Variants in ANKDD1B observed in about 807,000 individuals in gnomAD.
ANKDD1B encodes ankyrin repeat and death domain containing 1B.
In ANKDD1B, 57 loss-of-function variants were observed where a neutral mutation model predicts 59.7. That is an observed-to-expected ratio of 0.95 (90% CI 0.77 to 1.19). The LOEUF is 1.19. Among genes scored for constraint, ANKDD1B ranks in the 50% most tolerant of loss-of-function variants. The pLI, the probability that ANKDD1B is intolerant of heterozygous loss-of-function variation, is 0.00. For missense variants in ANKDD1B, 602 were observed against 641.9 expected (o/e 0.94, Z 0.67); for synonymous variants, 216 against 239.5 (o/e 0.90, Z 0.91).
intron 11 of ANKDD1B, 41 bp from the exon 12 acceptor site, chr5:75,666,751 A>G (rs1775316315): frequency 7.2e-7 from 1 of 1,383,338 alleles, no homozygotes; most frequent in East Asian, 2.5e-5. Context: ...TAATAAGTAG[A>G]ACATGTCTGA....
At chr5:75,625,205 A>G (rs1773957513) in intron 3 of ANKDD1B, among the ~76,000 whole-genome samples, 1 of 151,858 alleles carries the variant, frequency 6.6e-6, no homozygotes, top group Admixed American at 6.6e-5. Context: ...CATTTTTCTG[A>G]GTTTGTCTTT....
chr5:75,638,992 A>G (rs1326734969), intron 7 of ANKDD1B, among the ~76,000 whole-genome samples: 1 of 152,184 alleles, frequency 6.6e-6, no homozygotes, highest in Non-Finnish European at 1.5e-5. Context: ...ATTCCTCACA[A>G]TTGCCTTTGG....
intron 4 of ANKDD1B, 44 bp downstream of exon 4, chr5:75,625,789 A>G (rs1384964335): frequency 6.5e-7 from 1 of 1,527,976 alleles, no homozygotes; most frequent in Admixed American, 2.0e-5. Flanking sequence ...TTACCTCACC[A>G]TTGCAGGAGA....
At chr5:75,637,240 CAAAAAAAAAAAAAAAAAAA>C (rs55640131) in intron 7 of ANKDD1B, among the ~76,000 whole-genome samples, 11 of 69,954 alleles carry the variant, frequency 1.6e-4, no homozygotes, top group Admixed American at 3.5e-4. Flanking sequence ...GACTCTGTCT[CAAAAAAAAAAAAAAAAAAA>C]AAAAAAAAAA....
intron 5 of ANKDD1B, among the ~76,000 whole-genome samples, chr5:75,633,301 G>A (rs1445931673): frequency 6.6e-6 from 1 of 152,148 alleles, no homozygotes; most frequent in African/African-American, 2.4e-5. Context: ...GATGAATTAG[G>A]TGAACTTTTT....
rs554714584 is a variant in ANKDD1B, at chr5:75,663,412, G to A, written c.1114G>A (p.Ala372Thr). 2.0e-6 allele frequency: 3 copies of A among 1,536,170 alleles called. No homozygotes were observed. In the East Asian group the frequency reaches 7.3e-5, roughly 38 times the overall value. Residue 372 changes from alanine (A) to threonine (T), a missense_variant, in exon 11 of 14, where the codon GCT becomes ACT. Ala to Thr is a moderately conservative substitution (Grantham distance 58, BLOSUM62 0). Coordinates refer to ENST00000601380, the MANE Select transcript of ANKDD1B (RefSeq NM_001276713.2). ...AVDKQGKTAL[A>T]VASRSNHSLV... ...ATTTTAGCAAGGAAAGACTGCCCTG[G>A]CTGTGGCCTCCAGGAGCAACCATAG... is the stretch of plus-strand genomic sequence containing the variant.
chr5:75,624,912 GT>G (rs1773950136), intron 3 of ANKDD1B, among the ~76,000 whole-genome samples: 1 of 152,164 alleles, frequency 6.6e-6, no homozygotes, highest in African/African-American at 2.4e-5. Flanking sequence ...TCATGGAAAT[GT>G]TTCCAAGTCA....
At chr5:75,618,788 G>A (rs1191799479) in intron 2 of ANKDD1B, among the ~76,000 whole-genome samples, 3 of 152,016 alleles carry the variant, frequency 2.0e-5, no homozygotes, top group East Asian at 1.9e-4. Context: ...TGCTGTCACC[G>A]AGGCTGGAGT....
intron 7 of ANKDD1B, among the ~76,000 whole-genome samples, chr5:75,652,352 GA>G (rs1774855672): frequency 6.6e-6 from 1 of 152,070 alleles, no homozygotes; most frequent in South Asian, 2.1e-4. Flanking sequence ...GAGACACTTA[GA>G]AAAAAACAAT....
chr5:75,640,399 A>G (rs1185588375), intron 7 of ANKDD1B, among the ~76,000 whole-genome samples: 2 of 152,190 alleles, frequency 1.3e-5, no homozygotes, highest in African/African-American at 4.8e-5. Context: ...TGTGGATAAT[A>G]TTAACCCTGC....
chr5:75,663,793 CCTCTGTCCACA>C (rs1775228557), intron 11 of ANKDD1B, among the ~76,000 whole-genome samples: 1 of 152,150 alleles, frequency 6.6e-6, no homozygotes, highest in Admixed American at 6.5e-5. Flanking sequence ...CTGGTTGTTC[CCTCTGTCCACA>C]GTCTGGCCAT....
intron 2 of ANKDD1B, among the ~76,000 whole-genome samples, chr5:75,619,618 A>G (rs1773795943): frequency 6.6e-6 from 1 of 152,250 alleles, no homozygotes; most frequent in African/African-American, 2.4e-5. Flanking sequence ...ATTTGGGAGC[A>G]AAAGCAGTGT....
intron 12 of ANKDD1B, among the ~76,000 whole-genome samples, 197 bp downstream of exon 12, chr5:75,667,190 T>G (rs550820367): frequency 7.4e-4 from 113 of 152,216 alleles, no homozygotes; most frequent in Non-Finnish European, 1.2e-3. Flanking sequence ...TGAACACTCA[T>G]GGTCTGCAGT....
chr5:75,663,804 A>C (rs1032825705), intron 11 of ANKDD1B, among the ~76,000 whole-genome samples: 1 of 152,238 alleles, frequency 6.6e-6, no homozygotes, highest in African/African-American at 2.4e-5. Context: ...CTCTGTCCAC[A>C]GTCTGGCCAT....
At chr5:75,614,147 C>T (rs11748027) in intron 1 of ANKDD1B, among the ~76,000 whole-genome samples, 82,362 of 151,966 alleles carry the variant, frequency 0.54, 25,575 homozygotes, top group African/African-American at 0.87. Flanking sequence ...GAAGACACTT[C>T]TGGATCAGAG....
intron 13 of ANKDD1B, among the ~76,000 whole-genome samples, chr5:75,670,525 T>TC (rs1246133024): frequency 1.3e-5 from 2 of 148,634 alleles, no homozygotes; most frequent in Non-Finnish European, 3.0e-5. Context: ...TAGAAATAAC[T>TC]CCAAGAAGTT....
chr5:75,635,807 C>A lies in ANKDD1B; in HGVS notation c.723C>A (p.Leu241=). ...KDKGGNTALH[L]AAKHGHSPAV... ...AGGGGGGAAACACTGCCTTGCACCT[C>A]GCTGCGAAGCATGGTCACAGTCCTG... The change falls in exon 7 of 14, where the codon CTC becomes CTA. Residue 241 remains leucine, a synonymous_variant. Coordinates refer to ENST00000601380, the MANE Select transcript of ANKDD1B (RefSeq NM_001276713.2). The A allele has an allele frequency of 6.5e-7, 1 of 1,533,102 alleles. No homozygotes were observed. The highest frequency in any genetic ancestry group is 8.7e-7 in the Non-Finnish European group (1 of 1,144,678). The allele number at this position is 1,533,102 out of a possible 1,614,324, so 95.0% of individuals were successfully genotyped here.
chr5:75,649,920 G>A (rs978590281), intron 7 of ANKDD1B, among the ~76,000 whole-genome samples: 7 of 152,208 alleles, frequency 4.6e-5, no homozygotes, highest in African/African-American at 1.7e-4. Context: ...GATCTCGTCA[G>A]TGTTGTTTAC....
intron 5 of ANKDD1B, among the ~76,000 whole-genome samples, chr5:75,632,738 C>T (rs113989081): frequency 6.6e-6 from 1 of 152,184 alleles, no homozygotes; most frequent in Admixed American, 6.5e-5. Flanking sequence ...CACAAACACA[C>T]TCATGCTGAG....
Sources: allele counts gnomAD v4.1 joint callset (sites outside exome capture counted in the v4.1 genomes callset), GRCh38; gene constraint gnomAD v4.1.1; transcripts MANE v1.5; gene names NCBI Gene and HGNC (gene_info 2026-07-23, HGNC 2026-07-21).